PLCE1: variants seen among roughly 807,000 people sequenced by gnomAD.
The protein encoded by PLCE1 is phospholipase C epsilon 1, also known as 1-phosphatidylinositol 4,5-bisphosphate phosphodiesterase epsilon-1.
In PLCE1, 119 loss-of-function variants were observed where a neutral mutation model predicts 242.8. The observed-to-expected ratio is 0.49, with a 90% CI of 0.42 to 0.57. The LOEUF is 0.57. Among genes scored for constraint, PLCE1 ranks in the 20% least tolerant of loss-of-function variants. The probability of loss-of-function intolerance (pLI) is 0.00; values close to 1 mark genes in which losing one functional copy is unlikely to be tolerated. For synonymous variants in PLCE1, 945 were observed against 1,017.4 expected (o/e 0.93, Z 1.35); for missense variants, 2,441 against 2,788.8 (o/e 0.88, Z 2.81).
intron 3 of PLCE1, among the ~76,000 whole-genome samples, chr10:94,158,787 A>G (rs2764339): frequency 0.69 from 103,868 of 150,468 alleles, 37,988 homozygotes; most frequent in Non-Finnish European, 0.8. Context: ...GAAATGTAAC[A>G]ACAAAAACAT....
At chr10:94,310,610 G>C (rs1209422159) in intron 27 of PLCE1, among the ~76,000 whole-genome samples, 1 of 152,180 alleles carries the variant, frequency 6.6e-6, no homozygotes, top group Non-Finnish European at 1.5e-5. Flanking sequence ...GTGGTACAAA[G>C]AGCAGGAATC....
chr10:94,235,877 T>C (rs768035228), intron 6 of PLCE1, 38 bp from the exon 7 acceptor site: 2 of 1,565,362 alleles, frequency 1.3e-6, no homozygotes, highest in Non-Finnish European at 8.8e-7. Flanking sequence ...TCCAGGCATA[T>C]TAAGTTGCAA....
Position 94,171,411 on chromosome 10 carries a change from T to C in PLCE1, c.1724T>C (p.Leu575Pro). The C allele has an allele frequency of 1.1e-5, 17 of 1,614,188 alleles. No individual in the cohort carries two copies. The highest frequency in any genetic ancestry group is 1.4e-5 in the Non-Finnish European group (17 of 1,180,008). The change falls in exon 4 of 33, where the codon CTC becomes CCC. Residue 575 changes from leucine (L) to proline (P), a missense_variant. Leu to Pro is a moderately conservative substitution (Grantham distance 98). Transcript: ENST00000371380. ...GAATGCCAGAGCTCCTTGCCCTGCCTCAAAGCATCCATCTCAGCGTCGATT... is the reference window on the plus strand; with the variant it reads ...GAATGCCAGAGCTCCTTGCCCTGCCCCAAAGCATCCATCTCAGCGTCGATT... ...TPECQSSLPC[L>P]KASISASILT... is the part of the protein sequence containing the mutation.
At chr10:94,326,394 T>C (rs545823119) in intron 32 of PLCE1, among the ~76,000 whole-genome samples, 1 of 152,334 alleles carries the variant, frequency 6.6e-6, no homozygotes, top group East Asian at 1.9e-4. Flanking sequence ...ACTCCTAAAA[T>C]AACTGATGTC....
chr10:94,302,809 T>C (rs1195309696), intron 24 of PLCE1, among the ~76,000 whole-genome samples: 1 of 152,248 alleles, frequency 6.6e-6, no homozygotes, highest in Non-Finnish European at 1.5e-5. Flanking sequence ...GTGCTTAGAA[T>C]GGTGTCTGGT....
At chr10:94,179,857 A>C (rs1293197347) in intron 4 of PLCE1, among the ~76,000 whole-genome samples, 3 of 151,774 alleles carry the variant, frequency 2.0e-5, no homozygotes, top group Non-Finnish European at 4.4e-5. Context: ...CAAATGCTTT[A>C]TATGAGTATT....
In PLCE1 at chr10:94,093,557, A is replaced by G. The variant is rs139732762; in HGVS notation, c.1207-38617A>G. 2.4e-3 allele frequency among the ~76,000 whole-genome samples: 360 copies of G among 152,354 alleles called. 1 individual carries two copies. The highest frequency in any genetic ancestry group is 8.4e-3 in the African/African-American group (348 of 41,582). Reference sequence around the variant, plus strand: ...GACAGTCAGTGTCCATTAATTAAATAAATGCCATGTGAAGGATTTGAAAAC... The same window carrying G: ...GACAGTCAGTGTCCATTAATTAAATGAATGCCATGTGAAGGATTTGAAAAC... On this transcript the variant is annotated intron_variant, in intron 2 of 32. Coordinates refer to ENST00000371380, the MANE Select transcript of PLCE1 (RefSeq NM_016341.4).
chr10:94,116,855 T>C (rs1013932130), intron 2 of PLCE1, among the ~76,000 whole-genome samples: 3 of 152,192 alleles, frequency 2.0e-5, no homozygotes, highest in South Asian at 4.1e-4. Flanking sequence ...CCTGGCCTCA[T>C]GTTGAAGAAT....
chr10:94,060,429 G>A (rs1564655052), intron 2 of PLCE1, among the ~76,000 whole-genome samples: 4 of 152,084 alleles, frequency 2.6e-5, no homozygotes. Context: ...AAGAATAAAG[G>A]TATGAAAAAT....
chr10:93,995,224 AT>A (rs1212238461), intron 1 of PLCE1, among the ~76,000 whole-genome samples: 1 of 152,172 alleles, frequency 6.6e-6, no homozygotes, highest in Non-Finnish European at 1.5e-5. Flanking sequence ...GAGGTGGACT[AT>A]CTCTAGGTTA....
At chr10:94,255,649 G>A (rs569977295) in intron 11 of PLCE1, among the ~76,000 whole-genome samples, 30 of 152,162 alleles carry the variant, frequency 2.0e-4, no homozygotes, top group African/African-American at 7.2e-4. Context: ...ACAGCAAGTT[G>A]GATATGTTTA....
intron 1 of PLCE1, among the ~76,000 whole-genome samples, chr10:94,027,009 A>T (rs887691576): frequency 6.6e-6 from 1 of 152,208 alleles, no homozygotes; most frequent in Non-Finnish European, 1.5e-5. Flanking sequence ...AGAAGAAGAA[A>T]TCAAACCCCA....
intron 3 of PLCE1, among the ~76,000 whole-genome samples, chr10:94,140,338 G>T (rs1307506668): frequency 6.6e-6 from 1 of 151,204 alleles, no homozygotes; most frequent in Non-Finnish European, 1.5e-5. Flanking sequence ...TTTGAGACCA[G>T]CCTGGCTAAC....
intron 1 of PLCE1, among the ~76,000 whole-genome samples, chr10:94,018,925 AT>A (rs1003941982): frequency 2.8e-4 from 43 of 152,238 alleles, no homozygotes; most frequent in African/African-American, 9.4e-4. Flanking sequence ...GTGTACAGAT[AT>A]TTGAGCCTTT....
chr10:94,164,366 TC>T (rs2136246011), intron 3 of PLCE1, among the ~76,000 whole-genome samples: 1 of 152,324 alleles, frequency 6.6e-6, no homozygotes, highest in South Asian at 2.1e-4. Flanking sequence ...TATTCTTTTT[TC>T]TCTGAAATTC....
chr10:94,244,322 C>T (rs754157905), intron 7 of PLCE1, among the ~76,000 whole-genome samples: 15 of 152,116 alleles, frequency 9.9e-5, no homozygotes, highest in Non-Finnish European at 1.8e-4. Flanking sequence ...CGTGGACCAG[C>T]CTATGTACCA....
intron 5 of PLCE1, among the ~76,000 whole-genome samples, chr10:94,231,799 C>T (rs1414593940): frequency 6.6e-6 from 1 of 152,096 alleles, no homozygotes; most frequent in African/African-American, 2.4e-5. Flanking sequence ...GCACAGTTCA[C>T]AGTAGGGTTT....
chr10:94,257,198 G>C (rs1417011808), intron 11 of PLCE1, among the ~76,000 whole-genome samples: 1 of 151,878 alleles, frequency 6.6e-6, no homozygotes, highest in East Asian at 1.9e-4. Context: ...ATTGTTAGCA[G>C]GGTTGAGAGT....
intron 4 of PLCE1, among the ~76,000 whole-genome samples, chr10:94,199,963 T>G (rs1190716323): frequency 6.6e-6 from 1 of 152,138 alleles, no homozygotes; most frequent in African/African-American, 2.4e-5. Flanking sequence ...AATTTCAACT[T>G]TTTTCAAATT....
Sources: gnomAD v4.1 joint callset for allele counts (sites outside exome capture counted in the v4.1 genomes callset) on GRCh38, gnomAD v4.1.1 for gene constraint, MANE v1.5 for transcripts, NCBI Gene and HGNC (gene_info 2026-07-23, HGNC 2026-07-21) for gene names.